The following CNTNAP2 variants were observed in gnomAD, a reference collection of about 807,000 sequenced individuals.
CNTNAP2 encodes contactin associated protein 2.
A neutral mutation model predicts 155.2 loss-of-function variants in CNTNAP2; 98 were observed. That is an observed-to-expected ratio of 0.63 (90% CI 0.54 to 0.75). The LOEUF is 0.75. CNTNAP2 is among the 30% of genes least tolerant of loss of function. The pLI is 0.00. For missense variants in CNTNAP2, 1,727 were observed against 1,688.1 expected (o/e 1.02, Z -0.40); for synonymous variants, 651 against 631.2 (o/e 1.03, Z -0.47).
chr7:147,024,428 A>G (rs1798865344), intron 3 of CNTNAP2, among the ~76,000 whole-genome samples: 1 of 152,200 alleles, frequency 6.6e-6, no homozygotes, highest in Non-Finnish European at 1.5e-5. Context: ...ATTGTACCGT[A>G]TCGTGTAGAA....
intron 12 of CNTNAP2, among the ~76,000 whole-genome samples, chr7:147,595,692 G>A (rs976508886): frequency 1.3e-5 from 2 of 152,194 alleles, no homozygotes; most frequent in East Asian, 3.9e-4. Flanking sequence ...TGCGTGCACA[G>A]CACTTTACCT....
At chr7:146,937,808 T>C (rs1277244696) in intron 3 of CNTNAP2, among the ~76,000 whole-genome samples, 1 of 152,226 alleles carries the variant, frequency 6.6e-6, no homozygotes, top group Non-Finnish European at 1.5e-5. Context: ...GCACAAAGTT[T>C]GAAGACAGCC....
Position 146,592,935 on chromosome 7 carries a change from C to T in CNTNAP2, c.98-181336C>T, listed in dbSNP as rs117398569. On this transcript the variant is annotated intron_variant, in intron 1 of 23. Coordinates refer to ENST00000361727, the MANE Select transcript of CNTNAP2 (RefSeq NM_014141.6). ...CACTTAGCACCCTCTCCTTAGCAAC[C>T]TCCAGGTTAACAATTCATTTCTTAA... Among the ~76,000 whole-genome samples the T allele has an allele frequency of 4.5e-3, 686 of 151,994 alleles. 7 individuals are homozygous for T. The highest frequency in any genetic ancestry group is 7.4e-3 in the Non-Finnish European group (503 of 67,956).
intron 3 of CNTNAP2, among the ~76,000 whole-genome samples, chr7:147,021,885 G>A (rs931006503): frequency 3.7e-5 from 5 of 136,158 alleles, no homozygotes; most frequent in Non-Finnish European, 6.1e-5. Flanking sequence ...GTTAAAGATA[G>A]AACACTCCAA....
At chr7:148,140,494 G>A (rs1805042439) in intron 16 of CNTNAP2, among the ~76,000 whole-genome samples, 1 of 150,994 alleles carries the variant, frequency 6.6e-6, no homozygotes, top group Non-Finnish European at 1.5e-5. Flanking sequence ...CACCATCTCG[G>A]CTCACCACAA....
chr7:146,232,266 TATG>T (rs1266747150), intron 1 of CNTNAP2, among the ~76,000 whole-genome samples: 2 of 143,196 alleles, frequency 1.4e-5, no homozygotes, highest in African/African-American at 5.2e-5. Context: ...CCTGTATGTG[TATG>T]TGTGTTTGTG....
chr7:147,727,913 C>A (rs1796671378), intron 13 of CNTNAP2, among the ~76,000 whole-genome samples: 1 of 151,946 alleles, frequency 6.6e-6, no homozygotes, highest in African/African-American at 2.4e-5. Context: ...TTGCATTGAT[C>A]CAGTGAGATG....
intron 1 of CNTNAP2, among the ~76,000 whole-genome samples, chr7:146,531,754 A>G (rs955505008): frequency 5.3e-5 from 8 of 152,110 alleles, no homozygotes; most frequent in Non-Finnish European, 1.2e-4. Flanking sequence ...CATGTTGGCC[A>G]GGCTGGTTTC....
At position 147,437,994 on chromosome 7, in the gene CNTNAP2, T is replaced by G. The variant is rs546171248; in HGVS notation, c.1670+42214T>G. ...CTGCAACTTTACATAATTTATCAGT[T>G]CTAATAGTTTTTTTGTGTGCAGTCT... On this transcript the variant is annotated intron_variant, in intron 10 of 23. Coordinates refer to ENST00000361727, the MANE Select transcript of CNTNAP2 (RefSeq NM_014141.6). Among the ~76,000 whole-genome samples the G allele has an allele frequency of 3.3e-5, 5 of 152,262 alleles. No individual in the cohort carries two copies. The South Asian group carries it at 1.0e-3, about 31-fold the overall frequency.
intron 1 of CNTNAP2, among the ~76,000 whole-genome samples, chr7:146,278,462 A>G (rs1800199236): frequency 6.6e-6 from 1 of 152,180 alleles, no homozygotes; most frequent in Admixed American, 6.6e-5. Context: ...AATATATGTG[A>G]AAATAATCTA....
chr7:147,229,908 C>A (rs181306039), intron 8 of CNTNAP2, among the ~76,000 whole-genome samples: 1 of 152,002 alleles, frequency 6.6e-6, no homozygotes, highest in African/African-American at 2.4e-5. Context: ...GGCTTAAAAC[C>A]ATCTTTCTAA....
chr7:147,890,589 C>T (rs556337318), intron 13 of CNTNAP2, among the ~76,000 whole-genome samples: 1 of 152,102 alleles, frequency 6.6e-6, no homozygotes, highest in South Asian at 2.1e-4. Flanking sequence ...TGGAATCAAC[C>T]CAAGCGTCCA....
chr7:146,832,225 C>T (rs1003952229), intron 2 of CNTNAP2, among the ~76,000 whole-genome samples: 3 of 152,108 alleles, frequency 2.0e-5, no homozygotes, highest in African/African-American at 4.8e-5. Context: ...GATAATTCTC[C>T]ATTATAGGCT....
intron 3 of CNTNAP2, among the ~76,000 whole-genome samples, chr7:146,990,275 G>T (rs1188704695): frequency 6.6e-6 from 1 of 152,088 alleles, no homozygotes; most frequent in African/African-American, 2.4e-5. Flanking sequence ...AGGACACTTA[G>T]TTCAATTAGC....
chr7:146,935,455 C>T (rs907146685), intron 3 of CNTNAP2, among the ~76,000 whole-genome samples: 3 of 152,322 alleles, frequency 2.0e-5, no homozygotes, highest in South Asian at 2.1e-4. Flanking sequence ...CTTTGGTTCA[C>T]TCCCTTTGAC....
intron 3 of CNTNAP2, among the ~76,000 whole-genome samples, chr7:146,922,156 T>C (rs1796513866): frequency 6.6e-6 from 1 of 151,962 alleles, no homozygotes. Context: ...TATAAAACAA[T>C]TGTCTGTTTA....
intron 18 of CNTNAP2, among the ~76,000 whole-genome samples, chr7:148,186,635 G>T (rs1795120400): frequency 6.6e-6 from 1 of 152,096 alleles, no homozygotes; most frequent in Admixed American, 6.5e-5. Flanking sequence ...AAGAAACAGT[G>T]GGTGTCTGGC....
chr7:146,835,310 C>T (rs920955987), intron 2 of CNTNAP2, among the ~76,000 whole-genome samples: 11 of 152,258 alleles, frequency 7.2e-5, no homozygotes, highest in Admixed American at 5.9e-4. Context: ...CATTTTCTCA[C>T]CTGTTACCTC....
intron 20 of CNTNAP2, among the ~76,000 whole-genome samples, chr7:148,233,739 C>A (rs1408303933): frequency 2.0e-5 from 3 of 152,186 alleles, no homozygotes; most frequent in Non-Finnish European, 2.9e-5. Flanking sequence ...GAAGTATGTG[C>A]CATCATTATT....
Sources: gnomAD v4.1 joint callset for allele counts (sites outside exome capture counted in the v4.1 genomes callset) on GRCh38, gnomAD v4.1.1 for gene constraint, MANE v1.5 for transcripts, NCBI Gene and HGNC (gene_info 2026-07-23, HGNC 2026-07-21) for gene names.